Variants in ADRA1A observed in about 807,000 individuals in gnomAD.
The protein encoded by ADRA1A is adrenoceptor alpha 1A.
Under a neutral mutation model 29.6 loss-of-function variants are expected in ADRA1A, and 31 were observed. The observed-to-expected ratio is 1.05, with a 90% confidence interval of 0.79 to 1.41. ADRA1A has a LOEUF of 1.41. ADRA1A is among the 40% of genes most tolerant of loss of function. The probability of loss-of-function intolerance (pLI) is 0.00; values close to 1 mark genes in which losing one functional copy is unlikely to be tolerated. For missense variants in ADRA1A, 619 were observed against 601.1 expected, an observed-to-expected ratio of 1.03 and a Z score of -0.31; for synonymous variants, 311 against 254.3, an observed-to-expected ratio of 1.22 and a Z score of -2.12.
At chr8:26,858,688 C>T (rs13274396) in intron 2 of ADRA1A, among the ~76,000 whole-genome samples, 96,940 of 152,090 alleles carry the variant, frequency 0.64, 33,016 homozygotes, top group South Asian at 0.76. Flanking sequence ...CCTTCTCTTT[C>T]GTAGGTTGAA....
intron 2 of ADRA1A, among the ~76,000 whole-genome samples, chr8:26,792,366 A>T (rs561131310): frequency 6.6e-6 from 1 of 152,138 alleles, no homozygotes; most frequent in Admixed American, 6.6e-5. Context: ...GTATTTATCA[A>T]TATTTGTATT....
intron 2 of ADRA1A, among the ~76,000 whole-genome samples, chr8:26,797,540 C>T (rs927816648): frequency 1.2e-4 from 19 of 152,076 alleles, no homozygotes; most frequent in Non-Finnish European, 2.6e-4. Context: ...CTCAAGTGAT[C>T]CTCCAGCGTT....
At chr8:26,752,411 C>A (rs901174666), downstream of ADRA1A, among the ~76,000 whole-genome samples, 2 of 152,118 alleles carry the variant, frequency 1.3e-5, no homozygotes, top group Non-Finnish European at 1.5e-5. Flanking sequence ...ATGTTACCTG[C>A]ACATGTGGCA....
At chr8:26,770,792 G>A in intron 2 of ADRA1A, 126 bp from the exon 3 acceptor site, 1 of 1,342,982 alleles carries the variant, frequency 7.4e-7, no homozygotes, top group Non-Finnish European at 9.8e-7. Context: ...ACACATATGA[G>A]TTTCTCACAT....
At chr8:26,812,789 C>G (rs990022238) in intron 2 of ADRA1A, among the ~76,000 whole-genome samples, 24 of 151,786 alleles carry the variant, frequency 1.6e-4, no homozygotes, top group African/African-American at 5.3e-4. Context: ...CTCAGCCTCC[C>G]GAGTAGCTGG....
chr8:26,756,387 A>T (rs1002182728), downstream of ADRA1A: 3 of 1,266,516 alleles, frequency 2.4e-6, no homozygotes, highest in African/African-American at 4.6e-5. Context: ...GGGGTGCCTT[A>T]TGGAATTCCT....
rs764668580 is a variant in ADRA1A at position 26,758,875 on chromosome 8, ATGT to A, written c.1270-2099_1270-2097del. On this transcript the variant is annotated intron_variant, in intron 2 of 2. Transcript: ENST00000380582. ...TTACTTGCCTCTTCTCATACCCATA[ATGT>A]TGTATTTATTCTCTGGGAAAATTTT... 1.0e-3 allele frequency among the ~76,000 whole-genome samples: 154 copies of A among 152,174 alleles called. 1 individual carries two copies. The highest frequency in any genetic ancestry group is 3.1e-4 in the Non-Finnish European group (21 of 68,030).
rs1805988986 is a variant in ADRA1A, at chr8:26,769,613, C to T, written c.*536G>A. 2 of 985,534 alleles carry T rather than the reference C, an allele frequency of 2.0e-6. No individual in the cohort carries two copies. Among genetic ancestry groups the T allele is most frequent in the Non-Finnish European group, 2.4e-6 (2 of 830,050 alleles). 61.0% of individuals were successfully genotyped at this position (985,534 alleles called of 1,614,324 possible). On this transcript the variant is annotated 3_prime_UTR_variant, in exon 3 of 3. Coordinates refer to ENST00000380573, the MANE Select transcript of ADRA1A (RefSeq NM_000680.4). ...CCTCAAGCTGAGAAATTGGATGTAT[C>T]AGAAAGGGTGGAGTTTCAGGACTTG...
intron 2 of ADRA1A, among the ~76,000 whole-genome samples, chr8:26,759,261 CAT>C: frequency 6.6e-6 from 1 of 152,224 alleles, no homozygotes; most frequent in Non-Finnish European, 1.5e-5. Flanking sequence ...ATCAGGGTTG[CAT>C]ATGGTATTCA....
At chr8:26,858,576 G>A (rs1813209205) in intron 2 of ADRA1A, among the ~76,000 whole-genome samples, 1 of 152,208 alleles carries the variant, frequency 6.6e-6, no homozygotes, top group Non-Finnish European at 1.5e-5. Flanking sequence ...GCAGCACACT[G>A]CCTCTGGAAC....
chr8:26,806,704 G>A lies in ADRA1A; in HGVS notation c.884-36038C>T, dbSNP rs1162022680. Among the ~76,000 whole-genome samples, 1 of 152,186 alleles carries A rather than the reference G, an allele frequency of 6.6e-6. No individual in the cohort carries two copies. Among genetic ancestry groups the A allele is most frequent in the South Asian group, 2.1e-4 (1 of 4,822 alleles). On this transcript the variant is annotated intron_variant, in intron 2 of 2. Transcript: ENST00000380573. This position sits in a 1 kb window ranked among gnomAD's most constrained non-coding sequence, Gnocchi z 4.6. ...TAAGTCTCTTTACTCTGGCTTAACC[G>A]AGAGTTCGGTCATTACATAAAGCTG...
chr8:26,820,055 A>G (rs1172415540), intron 2 of ADRA1A, among the ~76,000 whole-genome samples: 1 of 152,228 alleles, frequency 6.6e-6, no homozygotes, highest in Non-Finnish European at 1.5e-5. Flanking sequence ...ATGAAGATAT[A>G]ACTGTAAGTG....
At chr8:26,791,006 T>TCA (rs1325662249) in intron 2 of ADRA1A, among the ~76,000 whole-genome samples, 18 of 151,744 alleles carry the variant, frequency 1.2e-4, no homozygotes, top group Non-Finnish European at 1.2e-4. Flanking sequence ...ATACACACAC[T>TCA]CACACACACA....
In ADRA1A at chr8:26,848,942, C is replaced by A. The variant is rs476631; in HGVS notation, c.883+15145G>T. 1.3e-5 allele frequency among the ~76,000 whole-genome samples: 2 copies of A among 151,950 alleles called. No individual in the cohort carries two copies. The highest frequency in any genetic ancestry group is 4.8e-5 in the African/African-American group (2 of 41,352). The stretch of plus-strand genomic sequence containing the variant: ...AGGAGAGAATCGCACTGCGGGTGAC[C>A]CACTTCTGCTTCACACTCTGATATC... On this transcript the variant is annotated intron_variant, in intron 2 of 2. Transcript: ENST00000380573. This position sits in a 1 kb window ranked among gnomAD's most constrained non-coding sequence, Gnocchi z 4.3.
chr8:26,780,135 G>T (rs1585672691), intron 2 of ADRA1A, among the ~76,000 whole-genome samples: 1 of 151,964 alleles, frequency 6.6e-6, no homozygotes, highest in Non-Finnish European at 1.5e-5. Flanking sequence ...TTATTATTTG[G>T]TTCCACCAGC....
At position 26,770,149 on chromosome 8, in the gene ADRA1A, C is replaced by G; in HGVS notation, c.1401G>C (p.Ter467TyrextTer45). 3 of 1,544,256 alleles carry G rather than the reference C, an allele frequency of 1.9e-6. No homozygotes were observed. Among genetic ancestry groups the G allele is most frequent in the Non-Finnish European group, 2.6e-6 (3 of 1,145,528 alleles). The stretch of plus-strand genomic sequence containing the variant: ...CCCTTTCCTCTGCATCTTTCCTGTC[C>G]TAGACTTCCTCCCCGTTCTCACTGA... ...ISLSENGEEV* is the reference protein window; with the variant it reads ...ISLSENGEEVY The change falls in exon 3 of 3, where the codon TAG becomes TAC. Residue 467 changes from the stop codon to tyrosine (Y), a stop_lost. Transcript: ENST00000380573.
intron 2 of ADRA1A, among the ~76,000 whole-genome samples, chr8:26,771,539 C>A (rs1184115407): frequency 1.3e-5 from 2 of 152,268 alleles, no homozygotes; most frequent in African/African-American, 4.8e-5. Flanking sequence ...CCCGTCACAT[C>A]CTGCGCAGAG....
At chr8:26,783,995 G>T (rs1187548839) in intron 2 of ADRA1A, among the ~76,000 whole-genome samples, 1 of 151,910 alleles carries the variant, frequency 6.6e-6, no homozygotes, top group Non-Finnish European at 1.5e-5. Context: ...GGACACAATG[G>T]GGGGAACAAC....
At chr8:26,766,196 TTA>T (rs1181002690), downstream of ADRA1A, 1 of 1,204,598 alleles carries the variant, frequency 8.3e-7, no homozygotes, top group South Asian at 1.2e-5. Context: ...TGAGAGTGAG[TTA>T]TGTCGTATTT....
Sources: allele counts gnomAD v4.1 joint callset (sites outside exome capture counted in the v4.1 genomes callset), GRCh38; gene constraint gnomAD v4.1.1; non-coding constraint Gnocchi (gnomAD v3.1); transcripts MANE v1.5; gene names NCBI Gene and HGNC (gene_info 2026-07-23, HGNC 2026-07-21).